JAK2: variants seen among roughly 807,000 people sequenced by gnomAD.
The protein encoded by JAK2 is Janus kinase 2, also known as tyrosine-protein kinase JAK2.
Under a neutral mutation model 139.3 loss-of-function variants are expected in JAK2, and 86 were observed. The observed-to-expected ratio is 0.62, with a 90% CI of 0.52 to 0.74. The LOEUF (loss-of-function observed/expected upper bound fraction) is 0.74. Ranked by LOEUF, JAK2 falls within the 30% of genes least tolerant of loss-of-function variation. JAK2 has a pLI of 0.00. For missense variants in JAK2, 1,421 were observed against 1,360.3 expected (o/e 1.04, Z -0.70); for synonymous variants, 490 against 437.7 (o/e 1.12, Z -1.49).
At chr9:5,119,958 G>C (rs1255431600) in intron 22 of JAK2, among the ~76,000 whole-genome samples, 3 of 152,134 alleles carry the variant, frequency 2.0e-5, no homozygotes, top group Admixed American at 6.5e-5. Context: ...ATAAGTTTGA[G>C]CTAACTTATT....
At chr9:5,047,068 A>G (rs1817060443) in intron 5 of JAK2, among the ~76,000 whole-genome samples, 4 of 152,202 alleles carry the variant, frequency 2.6e-5, no homozygotes, top group Admixed American at 2.6e-4. Context: ...ATTCCACCAT[A>G]TAATTCTAAA....
At chr9:5,040,445 G>A (rs1055600466) in intron 4 of JAK2, among the ~76,000 whole-genome samples, 3 of 150,816 alleles carry the variant, frequency 2.0e-5, no homozygotes, top group African/African-American at 7.5e-5. Context: ...AAGAAAAATA[G>A]TTAAGTTAGG....
At chr9:5,048,203 G>A (rs1396917443) in intron 5 of JAK2, among the ~76,000 whole-genome samples, 2 of 151,712 alleles carry the variant, frequency 1.3e-5, no homozygotes, top group Non-Finnish European at 2.9e-5. Flanking sequence ...GTGCAATGGC[G>A]TGATCTCGGC....
In JAK2 at chr9:5,127,026, TA is replaced by T. The variant is rs1824044467; in HGVS notation, c.*238del. ...AGCAAGGATTTTGTAAGAAGTTTCTTAAACATTGTCAGTTAACATCACTCTT... is the reference window on the plus strand; with the variant it reads ...AGCAAGGATTTTGTAAGAAGTTTCTTAACATTGTCAGTTAACATCACTCTT... On this transcript the variant is annotated 3_prime_UTR_variant, in exon 25 of 25. Coordinates refer to ENST00000381652, the MANE Select transcript of JAK2 (RefSeq NM_004972.4). 1 of 303,556 alleles carries T rather than the reference TA, an allele frequency of 3.3e-6. No individual in the cohort carries two copies. Among genetic ancestry groups the T allele is most frequent in the Non-Finnish European group, 6.1e-6 (1 of 163,830 alleles). 18.8% of individuals were successfully genotyped at this position (303,556 alleles called of 1,614,324 possible).
At chr9:5,024,183 G>C (rs1822623654) in intron 3 of JAK2, among the ~76,000 whole-genome samples, 2 of 152,152 alleles carry the variant, frequency 1.3e-5, no homozygotes, top group Admixed American at 6.5e-5. Context: ...ATGAACCCAG[G>C]AGGCGGAGCT....
intron 4 of JAK2, among the ~76,000 whole-genome samples, chr9:5,036,070 G>A (rs975168209): frequency 3.9e-5 from 6 of 152,248 alleles, no homozygotes; most frequent in East Asian, 1.9e-4. Context: ...AATCACAAGC[G>A]TTCTTACCCA....
At chr9:5,121,063 C>T (rs928386418) in intron 22 of JAK2, among the ~76,000 whole-genome samples, 1 of 152,092 alleles carries the variant, frequency 6.6e-6, no homozygotes, top group Non-Finnish European at 1.5e-5. Context: ...AGGAATAAAT[C>T]TGATGAAGAG....
rs190018239 is a variant in JAK2 at position 5,006,584 on chromosome 9, T to G, written c.-25-15379T>G. Reference sequence around the variant, plus strand: ...TGGGAAGGCCTCAGGAAATTTACAATCATGGTAGAAGGTGAAGGGGAAAAA... The same window carrying G: ...TGGGAAGGCCTCAGGAAATTTACAAGCATGGTAGAAGGTGAAGGGGAAAAA... On this transcript the variant is annotated intron_variant, in intron 2 of 24. Coordinates refer to ENST00000381652, the MANE Select transcript of JAK2 (RefSeq NM_004972.4). 4.0e-3 allele frequency among the ~76,000 whole-genome samples: 608 copies of G among 152,234 alleles called. 4 individuals are homozygous for G. Among genetic ancestry groups the G allele is most frequent in the African/African-American group, 0.014 (580 of 41,538 alleles).
Position 5,050,936 on chromosome 9 carries a change from G to GT in JAK2, c.614+107dup, listed in dbSNP as rs1163912222. On this transcript the variant is annotated intron_variant, in intron 6 of 24. Transcript: ENST00000381652. ...CATGCCTTTTGATTTTGTAATACTA[G>GT]TTAAGTACTCCTTATCTAAAATGCT... 1.4e-5 allele frequency: 13 copies of GT among 900,930 alleles called. 1 individual carries two copies. In the South Asian group the frequency reaches 1.5e-4, roughly 11 times the overall value. 55.8% of individuals were successfully genotyped at this position (900,930 alleles called of 1,614,324 possible).
intron 4 of JAK2, among the ~76,000 whole-genome samples, chr9:5,036,517 A>G (rs892782236): frequency 1.8e-4 from 27 of 152,236 alleles, no homozygotes; most frequent in Non-Finnish European, 1.8e-4. Flanking sequence ...TGGTACTGGT[A>G]TCAAAACAGA....
At position 5,038,182 on chromosome 9, in the gene JAK2, A is replaced by G. The variant is rs541982414; in HGVS notation, c.351-6221A>G. 7.9e-5 allele frequency among the ~76,000 whole-genome samples: 12 copies of G among 152,324 alleles called. No individual in the cohort carries two copies. The East Asian group carries it at 2.3e-3, about 29-fold the overall frequency. ...GGATACAGTGTTTTTAATGCCAACA[A>G]ATTAGAGGATCAAGATGAAATGGAC... On this transcript the variant is annotated intron_variant, in intron 4 of 24. Coordinates refer to ENST00000381652, the MANE Select transcript of JAK2 (RefSeq NM_004972.4).
intron 3 of JAK2, among the ~76,000 whole-genome samples, chr9:5,023,911 GATTTTTTAGCTTGTAAGAT>G (rs944715764): frequency 1.2e-4 from 18 of 150,940 alleles, no homozygotes; most frequent in Non-Finnish European, 1.5e-5. Context: ...TAGCTTTTAA[GATTTTTTAGCTTGTAAGAT>G]ATTTTTTAGC....
intron 2 of JAK2, 51 bp from the exon 3 acceptor site, chr9:5,021,912 T>TG (rs1822456311): frequency 9.4e-7 from 1 of 1,063,176 alleles, no homozygotes; most frequent in Non-Finnish European, 1.4e-6. Context: ...GGATTACAGG[T>TG]GTGAGACACT....
At chr9:4,987,846 A>G (rs993578481) in intron 2 of JAK2, among the ~76,000 whole-genome samples, 4 of 152,168 alleles carry the variant, frequency 2.6e-5, no homozygotes, top group Non-Finnish European at 4.4e-5. Flanking sequence ...GCAAAGTGGT[A>G]AACTGCCTGG....
chr9:5,104,085 G>A (rs557246490), intron 22 of JAK2, among the ~76,000 whole-genome samples: 5 of 152,074 alleles, frequency 3.3e-5, no homozygotes, highest in Admixed American at 2.0e-4. Flanking sequence ...AACTGAAGGA[G>A]ATAGAGACAC....
chr9:5,109,173 CTTACATA>C (rs905383909), intron 22 of JAK2: 1 of 152,180 alleles, frequency 6.6e-6, no homozygotes, highest in African/African-American at 2.4e-5. Flanking sequence ...ATGAGGGACA[CTTACATA>C]TTACATTAAC....
At chr9:4,994,843 T>C (rs1463983254) in intron 2 of JAK2, among the ~76,000 whole-genome samples, 1 of 152,226 alleles carries the variant, frequency 6.6e-6, no homozygotes, top group African/African-American at 2.4e-5. Context: ...TCTGTATTTG[T>C]CTCTTTTTAT....
At chr9:5,042,817 C>G (rs1816699802) in intron 4 of JAK2, among the ~76,000 whole-genome samples, 1 of 152,194 alleles carries the variant, frequency 6.6e-6, no homozygotes, top group Admixed American at 6.5e-5. Flanking sequence ...GGGGCCGCGG[C>G]TGAAGCCAGC....
chr9:5,046,188 G>A (rs1011502844), intron 5 of JAK2, among the ~76,000 whole-genome samples: 2 of 152,106 alleles, frequency 1.3e-5, no homozygotes, highest in African/African-American at 4.8e-5. Flanking sequence ...TTGCAGAGAT[G>A]TTGCTTGTTG....
Sources: allele counts gnomAD v4.1 joint callset (sites outside exome capture counted in the v4.1 genomes callset), GRCh38; gene constraint gnomAD v4.1.1; transcripts MANE v1.5; gene names NCBI Gene and HGNC (gene_info 2026-07-23, HGNC 2026-07-21).